Variants in DERA observed in about 807,000 individuals in gnomAD.
DERA encodes 2-deoxy-D-ribose 5-phosphate aldolase.
In DERA, 15 loss-of-function variants were observed where a neutral mutation model predicts 41.1. The observed-to-expected ratio is 0.37, with a 90% CI of 0.24 to 0.56. DERA has a LOEUF of 0.56. DERA is among the 20% of genes least tolerant of loss of function. The probability of loss-of-function intolerance (pLI) is 0.81; values close to 1 mark genes in which losing one functional copy is unlikely to be tolerated. For missense variants in DERA, 396 were observed against 403.4 expected, an observed-to-expected ratio of 0.98 and a Z score of 0.16; for synonymous variants, 139 against 137.4, an observed-to-expected ratio of 1.01 and a Z score of -0.08.
rs541416605 is a variant in DERA at position 15,990,751 on chromosome 12, C to T, written c.637+8315C>T. 8.5e-5 allele frequency among the ~76,000 whole-genome samples: 13 copies of T among 152,270 alleles called. No homozygotes were observed. Among genetic ancestry groups the T allele is most frequent in the Admixed American group, 3.3e-4 (5 of 15,304 alleles). On this transcript the variant is annotated intron_variant, in intron 6 of 8. Transcript: ENST00000428559. The surrounding 1 kb of genome is among the most constrained non-coding windows in gnomAD (Gnocchi z 4.3). ...GTTTGCTAAGGATAATGGCCTCCAG[C>T]TCCATCCATGTCCCTGCAAAGGATA...
chr12:15,928,000 G>A (rs1007517506), intron 1 of DERA, among the ~76,000 whole-genome samples: 1 of 151,272 alleles, frequency 6.6e-6, no homozygotes, highest in African/African-American at 2.4e-5. Context: ...CTCAAAAATA[G>A]TTAAAACTTT....
chr12:16,015,482 T>C (rs1269783088), intron 6 of DERA, among the ~76,000 whole-genome samples: 1 of 152,224 alleles, frequency 6.6e-6, no homozygotes, highest in East Asian at 1.9e-4. Context: ...AGCTTCCTTT[T>C]CATCTTCTGT....
chr12:16,033,624 T>TGTGTGTGTGTGTGTGTGTG (rs58693292), intron 7 of DERA, among the ~76,000 whole-genome samples: 1 of 150,456 alleles, frequency 6.6e-6, no homozygotes. Flanking sequence ...TGTGTGTGTG[T>TGTGTGTGTGTGTGTGTGTG]TTAATGACAC....
At chr12:15,952,535 A>T (rs1948506289) in intron 1 of DERA, among the ~76,000 whole-genome samples, 2 of 152,236 alleles carry the variant, frequency 1.3e-5, no homozygotes, top group East Asian at 1.9e-4. Context: ...TACACATTAT[A>T]AAAAAAATAA....
Position 16,020,938 on chromosome 12 carries a change from T to G in DERA, c.638-11604T>G, listed in dbSNP as rs963295093. On this transcript the variant is annotated intron_variant, in intron 6 of 8. Transcript: ENST00000428559. This position sits in a 1 kb window ranked among gnomAD's most constrained non-coding sequence, Gnocchi z 5.5. ...TGTGGCCCGGCTACTTCTAACAGCC[T>G]ACAGTCACATGCTGGAGCAAAGGAA... Among the ~76,000 whole-genome samples, 2 of 152,204 alleles carry G rather than the reference T, an allele frequency of 1.3e-5. No homozygotes were observed. Among genetic ancestry groups the G allele is most frequent in the African/African-American group, 4.8e-5 (2 of 41,464 alleles).
chr12:15,958,352 T>C lies in DERA; in HGVS notation c.277+17T>C. 1 of 1,587,932 alleles carries C rather than the reference T, an allele frequency of 6.3e-7. No homozygotes were observed. The highest frequency in any genetic ancestry group is 8.6e-7 in the Non-Finnish European group (1 of 1,168,328). ...ATGATAAAGGTAATGTTGTTGTGTGTGATCTATGTGGTGTTTAGTGCTTAC... is the reference window on the plus strand; with the variant it reads ...ATGATAAAGGTAATGTTGTTGTGTGCGATCTATGTGGTGTTTAGTGCTTAC... On this transcript the variant is annotated intron_variant, in intron 3 of 8. Transcript: ENST00000428559.
chr12:15,965,362 C>T lies in DERA; in HGVS notation c.508+2415C>T, dbSNP rs1430424408. 6.6e-6 allele frequency among the ~76,000 whole-genome samples: 1 copy of T among 152,096 alleles called. No individual in the cohort carries two copies. The highest frequency in any genetic ancestry group is 1.9e-4 in the East Asian group (1 of 5,186). Reference sequence around the variant, plus strand: ...GGTTTGTTGCATAGGTAAACGTGTGCCATGGTGGTTTGCTGCACCTATCAA... The same window carrying T: ...GGTTTGTTGCATAGGTAAACGTGTGTCATGGTGGTTTGCTGCACCTATCAA... On this transcript the variant is annotated intron_variant, in intron 5 of 8. Coordinates refer to ENST00000428559, the MANE Select transcript of DERA (RefSeq NM_015954.4). This position sits in a 1 kb window ranked among gnomAD's most constrained non-coding sequence, Gnocchi z 4.1.
At position 16,036,074 on chromosome 12, in the gene DERA, TGA is replaced by T. The variant is rs1565621243; in HGVS notation, c.751-156_751-155del. Among the ~76,000 whole-genome samples the T allele has an allele frequency of 6.6e-6, 1 of 152,204 alleles. No individual in the cohort carries two copies. On this transcript the variant is annotated intron_variant, in intron 7 of 8. Transcript: ENST00000428559. The surrounding 1 kb of genome is among the most constrained non-coding windows in gnomAD (Gnocchi z 4.9). The stretch of plus-strand genomic sequence containing the variant: ...AGTTGTTTTGTAGTGTGAATGAGCA[TGA>T]GTCACTGATCTAAGCCCTTTCACTG...
intron 1 of DERA, chr12:15,956,599 A>T (rs1250678708): frequency 2.6e-6 from 1 of 380,810 alleles, no homozygotes; most frequent in Non-Finnish European, 5.1e-6. Flanking sequence ...GAGGTGAGGT[A>T]CGTGGCATGG....
At chr12:15,977,397 A>G (rs1948704835) in intron 5 of DERA, among the ~76,000 whole-genome samples, 1 of 152,198 alleles carries the variant, frequency 6.6e-6, no homozygotes, top group Admixed American at 6.5e-5. Context: ...TCTCTGTTCT[A>G]TAACTGACCC....
In DERA at chr12:15,983,294, A is replaced by T. The variant is rs1948744469; in HGVS notation, c.637+858A>T. 6.6e-6 allele frequency among the ~76,000 whole-genome samples: 1 copy of T among 152,042 alleles called. No individual in the cohort carries two copies. The highest frequency in any genetic ancestry group is 2.1e-4 in the South Asian group (1 of 4,814). On this transcript the variant is annotated intron_variant, in intron 6 of 8. Transcript: ENST00000428559. This position sits in a 1 kb window ranked among gnomAD's most constrained non-coding sequence, Gnocchi z 6.2. Reference sequence around the variant, plus strand: ...GTGTACATTCCTTGATTCTTATTTTAAAAAGGTCCTTCCTAAGACCCTGGC... The same window carrying T: ...GTGTACATTCCTTGATTCTTATTTTTAAAAGGTCCTTCCTAAGACCCTGGC...
chr12:15,958,729 T>C (rs1029165681), intron 3 of DERA, among the ~76,000 whole-genome samples: 2 of 152,200 alleles, frequency 1.3e-5, no homozygotes, highest in African/African-American at 2.4e-5. Context: ...TGTGAGTATA[T>C]GAAATACTTT....
rs905447694 is a variant in DERA at position 15,999,032 on chromosome 12, A to G, written c.637+16596A>G. Among the ~76,000 whole-genome samples the G allele has an allele frequency of 1.3e-5, 2 of 152,182 alleles. No individual in the cohort carries two copies. The highest frequency in any genetic ancestry group is 2.9e-5 in the Non-Finnish European group (2 of 68,034). On this transcript the variant is annotated intron_variant, in intron 6 of 8. Transcript: ENST00000428559. This position sits in a 1 kb window ranked among gnomAD's most constrained non-coding sequence, Gnocchi z 5.3. ...CTTTCATCTTCAACATATTAGATTT[A>G]GGATTTGAATAGGGAGTTCCCCAAT...
Position 15,941,491 on chromosome 12 carries a change from T to C in DERA, c.32-15445T>C, listed in dbSNP as rs1948408479. 6.6e-6 allele frequency among the ~76,000 whole-genome samples: 1 copy of C among 152,198 alleles called. No homozygotes were observed. The highest frequency in any genetic ancestry group is 1.5e-5 in the Non-Finnish European group (1 of 68,026). ...TACCCATCACCCTAGCAATGTACGCTGTACCTAATATGTAGTCTTTTATTC... is the reference window on the plus strand; with the variant it reads ...TACCCATCACCCTAGCAATGTACGCCGTACCTAATATGTAGTCTTTTATTC... On this transcript the variant is annotated intron_variant, in intron 1 of 8. Transcript: ENST00000428559. This position sits in a 1 kb window ranked among gnomAD's most constrained non-coding sequence, Gnocchi z 4.5.
intron 1 of DERA, among the ~76,000 whole-genome samples, chr12:15,919,121 T>C (rs1722480700): frequency 6.6e-6 from 1 of 152,224 alleles, no homozygotes; most frequent in Non-Finnish European, 1.5e-5. Context: ...ACTTTTTGCT[T>C]GTAAGCATAA....
At chr12:15,947,842 G>A (rs1565592072) in intron 1 of DERA, among the ~76,000 whole-genome samples, 1 of 152,154 alleles carries the variant, frequency 6.6e-6, no homozygotes, top group African/African-American at 2.4e-5. Flanking sequence ...TTCAGTGGCT[G>A]GTACCGGTTG....
At chr12:16,032,176 C>A (rs1002186173) in intron 6 of DERA, among the ~76,000 whole-genome samples, 1 of 152,016 alleles carries the variant, frequency 6.6e-6, no homozygotes, top group African/African-American at 2.4e-5. Context: ...AGTAGGCACT[C>A]CTGTTTTGTA....
intron 1 of DERA, among the ~76,000 whole-genome samples, chr12:15,920,191 T>C (rs1948232131): frequency 6.6e-6 from 1 of 152,214 alleles, no homozygotes; most frequent in Non-Finnish European, 1.5e-5. Flanking sequence ...TACTCTTTTC[T>C]AGGAAAATAA....
At chr12:15,914,925 G>A (rs550487753) in intron 1 of DERA, among the ~76,000 whole-genome samples, 1 of 152,274 alleles carries the variant, frequency 6.6e-6, no homozygotes, top group South Asian at 2.1e-4. Flanking sequence ...ACAGGTGCCT[G>A]CCACCAAGCC....
Sources: allele counts gnomAD v4.1 joint callset (sites outside exome capture counted in the v4.1 genomes callset), GRCh38; gene constraint gnomAD v4.1.1; non-coding constraint Gnocchi (gnomAD v3.1); transcripts MANE v1.5; gene names NCBI Gene and HGNC (gene_info 2026-07-23, HGNC 2026-07-21).